Variants in GLT1D1 observed in about 807,000 individuals in gnomAD.
GLT1D1 encodes glycosyltransferase 1 domain containing 1.
A neutral mutation model predicts 28.7 loss-of-function variants in GLT1D1; 21 were observed. That is an observed-to-expected ratio of 0.73 (90% confidence interval 0.52 to 1.05). The LOEUF (loss-of-function observed/expected upper bound fraction) is 1.05, where lower values mean the gene tolerates loss of function less well. Among genes scored for constraint, GLT1D1 ranks in the 50% least tolerant of loss-of-function variants. GLT1D1 has a pLI of 0.00. For missense variants in GLT1D1, 343 were observed against 330.6 expected (o/e 1.04, Z -0.29); for synonymous variants, 147 against 124.8 (o/e 1.18, Z -1.19).
At chr12:128,931,921 A>G (rs12831564) in intron 4 of GLT1D1, among the ~76,000 whole-genome samples, 54,489 of 127,352 alleles carry the variant, frequency 0.43, 10,456 homozygotes, top group East Asian at 0.71. Flanking sequence ...ACGCACGCAC[A>G]CACACACACA....
intron 4 of GLT1D1, among the ~76,000 whole-genome samples, chr12:128,941,905 C>CTTTTTT (rs60663875): frequency 1.2e-4 from 9 of 75,350 alleles, no homozygotes; most frequent in Non-Finnish European, 1.7e-4. Flanking sequence ...CTCTCTCTCT[C>CTTTTTT]TTTTTTTTTT....
intron 7 of GLT1D1, among the ~76,000 whole-genome samples, chr12:128,974,661 C>A (rs1879593303): frequency 6.6e-6 from 1 of 152,182 alleles, no homozygotes; most frequent in South Asian, 2.1e-4. Context: ...CGTCACGGGA[C>A]TATTCATACA....
chr12:128,923,764 T>C (rs1327259930), intron 4 of GLT1D1, among the ~76,000 whole-genome samples: 2 of 151,962 alleles, frequency 1.3e-5, no homozygotes, highest in African/African-American at 4.8e-5. Context: ...TCAGGTGATC[T>C]GCCCTCCCGC....
chr12:128,877,245 C>T (rs1445879532), intron 2 of GLT1D1, among the ~76,000 whole-genome samples: 1 of 152,132 alleles, frequency 6.6e-6, no homozygotes, highest in Non-Finnish European at 1.5e-5. Context: ...AATTAAATGA[C>T]ATAGTAGTGG....
intron 4 of GLT1D1, among the ~76,000 whole-genome samples, chr12:128,909,737 T>C (rs1441128075): frequency 6.6e-6 from 1 of 152,242 alleles, no homozygotes; most frequent in Non-Finnish European, 1.5e-5. Flanking sequence ...AGTTAGTCCT[T>C]GGGTCTGTTA....
At chr12:128,961,753 A>G (rs567299626) in intron 7 of GLT1D1, among the ~76,000 whole-genome samples, 94 of 152,300 alleles carry the variant, frequency 6.2e-4, no homozygotes, top group Non-Finnish European at 1.2e-3. Flanking sequence ...ACAGATTCAA[A>G]TGCTAATCTC....
At chr12:128,868,477 G>A (rs981353455) in intron 1 of GLT1D1, among the ~76,000 whole-genome samples, 1 of 152,190 alleles carries the variant, frequency 6.6e-6, no homozygotes, top group East Asian at 1.9e-4. Flanking sequence ...TCACTCGTCC[G>A]TATGGAGAAG....
Position 128,880,361 on chromosome 12 carries a change from C to T in GLT1D1, c.217+4299C>T, listed in dbSNP as rs188350878. Reference sequence around the variant, plus strand: ...TTACATTGCTCAATCTAATAAATATCGAGAACTGAAGCCATGCTTACTCTT... The same window carrying T: ...TTACATTGCTCAATCTAATAAATATTGAGAACTGAAGCCATGCTTACTCTT... On this transcript the variant is annotated intron_variant, in intron 2 of 7. Transcript: ENST00000281703. Among the ~76,000 whole-genome samples the T allele has an allele frequency of 1.7e-3, 254 of 152,286 alleles. 1 individual carries two copies. The highest frequency in any genetic ancestry group is 5.4e-3 in the African/African-American group (225 of 41,558).
At chr12:128,854,757 A>G (rs1378442366) in intron 1 of GLT1D1, among the ~76,000 whole-genome samples, 1 of 152,102 alleles carries the variant, frequency 6.6e-6, no homozygotes, top group African/African-American at 2.4e-5. Flanking sequence ...TCGGCCTCCC[A>G]CAGTGCTGGG....
intron 3 of GLT1D1, among the ~76,000 whole-genome samples, chr12:128,892,190 C>T (rs1869137272): frequency 6.6e-6 from 1 of 152,106 alleles, no homozygotes; most frequent in Non-Finnish European, 1.5e-5. Context: ...GGGAGGTTTG[C>T]CCTTAGCAGT....
intron 2 of GLT1D1, among the ~76,000 whole-genome samples, chr12:128,879,446 C>CTTT (rs1182475964): frequency 9.6e-5 from 10 of 103,972 alleles, no homozygotes; most frequent in African/African-American, 3.6e-4. Context: ...TTCTTTCTTT[C>CTTT]TTTCTTTCTT....
At chr12:128,952,675 A>G (rs997778962) in intron 6 of GLT1D1, among the ~76,000 whole-genome samples, 8 of 139,434 alleles carry the variant, frequency 5.7e-5, no homozygotes, top group Non-Finnish European at 9.1e-5. Flanking sequence ...GGGTTTCTCC[A>G]TGTTGGTCAG....
chr12:128,965,992 A>G (rs774092050), intron 7 of GLT1D1, among the ~76,000 whole-genome samples: 5 of 152,264 alleles, frequency 3.3e-5, no homozygotes, highest in African/African-American at 4.8e-5. Flanking sequence ...GAATGTGTTC[A>G]CAGTGGCAGA....
intron 4 of GLT1D1, among the ~76,000 whole-genome samples, chr12:128,937,964 G>A (rs1334026707): frequency 6.6e-6 from 1 of 152,174 alleles, no homozygotes; most frequent in Non-Finnish European, 1.5e-5. Context: ...ATACGGACAC[G>A]GTTGGGGTAT....
chr12:128,945,523 G>A (rs568150707), intron 5 of GLT1D1, among the ~76,000 whole-genome samples, 154 bp downstream of exon 9: 59 of 152,288 alleles, frequency 3.9e-4, no homozygotes, highest in African/African-American at 1.3e-3. Flanking sequence ...TGGCATCCTA[G>A]GCACTATTAT....
chr12:128,977,335 A>C (rs1480386956), intron 7 of GLT1D1, among the ~76,000 whole-genome samples: 1 of 151,934 alleles, frequency 6.6e-6, no homozygotes, highest in Non-Finnish European at 1.5e-5. Context: ...TAAAGACAAA[A>C]CCATGCTCTT....
intron 3 of GLT1D1, among the ~76,000 whole-genome samples, chr12:128,893,213 G>A (rs185911432): frequency 5.9e-5 from 9 of 152,210 alleles, no homozygotes; most frequent in Admixed American, 5.9e-4. Context: ...CCATTGCACT[G>A]CAGCCTGGGT....
chr12:128,922,412 T>C (rs1349819315), intron 4 of GLT1D1, among the ~76,000 whole-genome samples: 1 of 152,210 alleles, frequency 6.6e-6, no homozygotes, highest in African/African-American at 2.4e-5. Context: ...GGACTGTTTC[T>C]CCTACCTGAC....
At chr12:128,947,169 G>A in intron 5 of GLT1D1, 169 bp from the exon 10 acceptor site, 1 of 687,588 alleles carries the variant, frequency 1.5e-6, no homozygotes, top group Non-Finnish European at 2.5e-6. Flanking sequence ...TCAGGGACAT[G>A]AGCTGTAAGG....
Sources: allele counts gnomAD v4.1 joint callset (sites outside exome capture counted in the v4.1 genomes callset), GRCh38; gene constraint gnomAD v4.1.1; transcripts MANE v1.5; gene names NCBI Gene and HGNC (gene_info 2026-07-23, HGNC 2026-07-21).